The following BCAS3 variants were observed in gnomAD, a reference collection of about 807,000 sequenced individuals.
BCAS3 encodes BCAS3 microtubule associated cell migration factor.
Under a neutral mutation model 116.1 loss-of-function variants are expected in BCAS3, and 53 were observed. The observed-to-expected ratio is 0.46, with a 90% CI of 0.37 to 0.57. BCAS3 has a LOEUF of 0.57. Among genes scored for constraint, BCAS3 ranks in the 20% least tolerant of loss-of-function variants. The pLI is 0.00. For missense variants in BCAS3, 917 were observed against 1,165.4 expected (o/e 0.79, Z 3.10); for synonymous variants, 391 against 408.2 (o/e 0.96, Z 0.51).
rs530191204 is a variant in BCAS3, at chr17:60,989,570, G to A, written c.1222-401G>A. Among the ~76,000 whole-genome samples, 6 of 151,014 alleles carry A rather than the reference G, an allele frequency of 4.0e-5. No homozygotes were observed. The East Asian group carries it at 1.2e-3, about 30-fold the overall frequency. On this transcript the variant is annotated intron_variant, in intron 14 of 23. Coordinates refer to ENST00000407086, the MANE Select transcript of BCAS3 (RefSeq NM_017679.5). ...AGAGTAGAGCTGAGTAACTGCAACA[G>A]ACAGTGGAGCTTTTACATCCTACAA...
At chr17:60,970,314 CAGGAA>C (rs2061888273) in intron 14 of BCAS3, among the ~76,000 whole-genome samples, 1 of 151,574 alleles carries the variant, frequency 6.6e-6, no homozygotes, top group African/African-American at 2.4e-5. Context: ...ATACAAAAGA[CAGGAA>C]AGGAAAGGCA....
intron 3 of BCAS3, chr17:60,688,236 C>T (rs1457586195): frequency 6.6e-6 from 1 of 152,072 alleles, no homozygotes; most frequent in African/African-American, 2.4e-5. Context: ...AATAGTAATG[C>T]ACCAGTGTTA....
intron 6 of BCAS3, among the ~76,000 whole-genome samples, chr17:60,763,079 C>T (rs2043702466): frequency 6.6e-6 from 1 of 152,140 alleles, no homozygotes; most frequent in Non-Finnish European, 1.5e-5. Context: ...TGCTTATCAG[C>T]TTAAGGAGAT....
intron 22 of BCAS3, among the ~76,000 whole-genome samples, chr17:61,091,166 A>G (rs957338059): frequency 5.3e-5 from 8 of 152,214 alleles, no homozygotes; most frequent in Non-Finnish European, 1.0e-4. Context: ...AACCTTGCCT[A>G]TGCTTTCTAT....
At chr17:60,801,538 T>C (rs1324868001) in intron 6 of BCAS3, among the ~76,000 whole-genome samples, 2 of 152,040 alleles carry the variant, frequency 1.3e-5, no homozygotes, top group African/African-American at 4.8e-5. Context: ...TGAAAAACAG[T>C]AGTGAGAGTG....
chr17:60,997,849 T>C (rs1292910162), intron 15 of BCAS3, among the ~76,000 whole-genome samples: 2 of 152,214 alleles, frequency 1.3e-5, no homozygotes, highest in Non-Finnish European at 2.9e-5. Context: ...CCTATTATTA[T>C]TGGTTTTTAA....
In BCAS3 at chr17:61,098,155, C is replaced by T. The variant is rs1210885034; in HGVS notation, c.2425+13591C>T. Among the ~76,000 whole-genome samples the T allele has an allele frequency of 6.6e-6, 1 of 152,196 alleles. No individual in the cohort carries two copies. Among genetic ancestry groups the T allele is most frequent in the Non-Finnish European group, 1.5e-5 (1 of 68,032 alleles). The stretch of plus-strand genomic sequence containing the variant: ...AAATGGTGCTGGAGGGTCCTTCTTG[C>T]ATAGAGAGGTAATCAATATGGTCTA... On this transcript the variant is annotated intron_variant, in intron 22 of 23. Transcript: ENST00000407086. This position sits in a 1 kb window ranked among gnomAD's most constrained non-coding sequence, Gnocchi z 4.2.
chr17:60,689,813 A>G (rs1464756778), intron 4 of BCAS3, 52 bp downstream of exon 4: 1 of 1,235,846 alleles, frequency 8.1e-7, no homozygotes. Flanking sequence ...TGTTTGGAGT[A>G]CCTGATTCCA....
intron 11 of BCAS3, 42 bp downstream of exon 11, chr17:60,902,745 G>GT: frequency 7.1e-7 from 1 of 1,411,216 alleles, no homozygotes; most frequent in South Asian, 1.2e-5. Context: ...GTTATGTGTA[G>GT]TAATTGTTCA....
chr17:60,798,619 G>C (rs977381983), intron 6 of BCAS3, among the ~76,000 whole-genome samples: 2 of 152,130 alleles, frequency 1.3e-5, no homozygotes, highest in Non-Finnish European at 2.9e-5. Context: ...CCAAGTTTTG[G>C]CAATTATAAA....
At chr17:61,125,695 C>T (rs960663480) in intron 22 of BCAS3, among the ~76,000 whole-genome samples, 2 of 152,106 alleles carry the variant, frequency 1.3e-5, no homozygotes, top group African/African-American at 4.8e-5. Context: ...ATACACTATT[C>T]CCAAGATGGG....
chr17:61,252,173 T>C (rs570903353), intron 22 of BCAS3, among the ~76,000 whole-genome samples: 2 of 152,336 alleles, frequency 1.3e-5, no homozygotes, highest in East Asian at 3.9e-4. Context: ...TAATAACGTT[T>C]TGTTTAGAGT....
At position 60,953,500 on chromosome 17, in the gene BCAS3, A is replaced by C. The variant is rs565038388; in HGVS notation, c.1221+6148A>C. Among the ~76,000 whole-genome samples the C allele has an allele frequency of 2.6e-5, 4 of 151,998 alleles. No individual in the cohort carries two copies. In the South Asian group the frequency reaches 8.3e-4, roughly 32 times the overall value. On this transcript the variant is annotated intron_variant, in intron 14 of 23. Transcript: ENST00000407086. ...GAGATGCATAGTTTGCAGATATTTT[A>C]TCTCATTCTATAGATTGTCTGTTTA... is the stretch of plus-strand genomic sequence containing the variant.
rs2065237482 is a variant in BCAS3, at chr17:61,013,436, A to G, written c.1487-2315A>G. Reference sequence around the variant, plus strand: ...TCTAATAGCGATTTTATAATTATTTACATCTATATTGGCCTTGAGAGTGTG... The same window carrying G: ...TCTAATAGCGATTTTATAATTATTTGCATCTATATTGGCCTTGAGAGTGTG... On this transcript the variant is annotated intron_variant, in intron 15 of 23. Coordinates refer to ENST00000407086, the MANE Select transcript of BCAS3 (RefSeq NM_017679.5). The surrounding 1 kb of genome is among the most constrained non-coding windows in gnomAD (Gnocchi z 4.4). Among the ~76,000 whole-genome samples, 1 of 152,114 alleles carries G rather than the reference A, an allele frequency of 6.6e-6. No individual in the cohort carries two copies. Among genetic ancestry groups the G allele is most frequent in the Admixed American group, 6.6e-5 (1 of 15,256 alleles).
intron 4 of BCAS3, among the ~76,000 whole-genome samples, chr17:60,702,895 G>C (rs2036598243): frequency 6.6e-6 from 1 of 152,056 alleles, no homozygotes; most frequent in Non-Finnish European, 1.5e-5. Context: ...TCAGTCCAAG[G>C]AAAGGAAATT....
At chr17:61,092,871 C>CAAAA (rs2073697861) in intron 22 of BCAS3, among the ~76,000 whole-genome samples, 1 of 145,466 alleles carries the variant, frequency 6.9e-6, no homozygotes, top group South Asian at 2.2e-4. Context: ...TTTATGTTTT[C>CAAAA]ACAAACAAAA....
In BCAS3 at chr17:60,688,754, T is replaced by C. The variant is rs1598052858; in HGVS notation, c.139-932T>C. On this transcript the variant is annotated intron_variant, in intron 3 of 23. Transcript: ENST00000407086. The stretch of plus-strand genomic sequence containing the variant: ...TCACTTGAACCCGGGAGGTGGAGGG[T>C]ACAGTGAGCCAAAATCATGCCACTG... Among the ~76,000 whole-genome samples the C allele has an allele frequency of 2.0e-5, 3 of 147,588 alleles. No homozygotes were observed. The South Asian group carries it at 6.3e-4, about 31-fold the overall frequency.
At position 61,360,112 on chromosome 17, in the gene BCAS3, TCTC is replaced by T. The variant is rs2058376255; in HGVS notation, c.2426-8212_2426-8210del. Among the ~76,000 whole-genome samples, 4 of 150,802 alleles carry T rather than the reference TCTC, an allele frequency of 2.7e-5. No homozygotes were observed. The South Asian group carries it at 8.4e-4, about 32-fold the overall frequency. On this transcript the variant is annotated intron_variant, in intron 22 of 23. Transcript: ENST00000407086. Reference sequence around the variant, plus strand: ...ACCTCCATCTCCTGGGTTCAAGAAATCTCCTGTCAGCCTCCCAAGTAGCTGGGA... The same window carrying T: ...ACCTCCATCTCCTGGGTTCAAGAAATCTGTCAGCCTCCCAAGTAGCTGGGA...
At chr17:61,385,691 A>G (rs1603217593) in intron 23 of BCAS3, among the ~76,000 whole-genome samples, 1 of 152,192 alleles carries the variant, frequency 6.6e-6, no homozygotes, top group Non-Finnish European at 1.5e-5. Flanking sequence ...CCCCTGGGCC[A>G]CCCCGGAACC....
Sources: allele counts gnomAD v4.1 joint callset (sites outside exome capture counted in the v4.1 genomes callset), GRCh38; gene constraint gnomAD v4.1.1; non-coding constraint Gnocchi (gnomAD v3.1); transcripts MANE v1.5; gene names NCBI Gene and HGNC (gene_info 2026-07-23, HGNC 2026-07-21).